Variants in KCNAB1 observed in about 807,000 individuals in gnomAD.
The protein encoded by KCNAB1 is voltage-gated potassium channel subunit beta-1.
A neutral mutation model predicts 64.6 loss-of-function variants in KCNAB1; 35 were observed. The ratio of observed to expected loss-of-function variants is 0.54; its 90% CI spans 0.41 to 0.72. The LOEUF is 0.72. Among genes scored for constraint, KCNAB1 ranks in the 30% least tolerant of loss-of-function variants. The pLI is 0.00. For synonymous variants in KCNAB1, 177 were observed against 183.8 expected (o/e 0.96, Z 0.30); for missense variants, 401 against 512.9 (o/e 0.78, Z 2.11).
intron 11 of KCNAB1, among the ~76,000 whole-genome samples, chr3:156,518,883 A>T (rs1008969115): frequency 6.6e-6 from 1 of 152,102 alleles, no homozygotes; most frequent in Non-Finnish European, 1.5e-5. Flanking sequence ...TCCCATGGGC[A>T]TCAGTCATGC....
At chr3:156,380,386 A>T (rs183459073) in intron 1 of KCNAB1, among the ~76,000 whole-genome samples, 2 of 152,346 alleles carry the variant, frequency 1.3e-5, no homozygotes, top group Admixed American at 1.3e-4. Context: ...TCCTTGGTGT[A>T]CTGAGCATTT....
intron 1 of KCNAB1, among the ~76,000 whole-genome samples, chr3:156,128,598 C>T (rs1713806183): frequency 6.6e-6 from 1 of 152,164 alleles, no homozygotes. Flanking sequence ...CAGGTGTTCT[C>T]CTACTTTCCT....
At chr3:156,524,916 C>T (rs1325182166) in intron 12 of KCNAB1, among the ~76,000 whole-genome samples, 2 of 152,048 alleles carry the variant, frequency 1.3e-5, no homozygotes, top group East Asian at 3.9e-4. Context: ...TTGCTATTGC[C>T]TAGTGATGTT....
At chr3:156,469,531 A>C (rs1485923378) in intron 7 of KCNAB1, among the ~76,000 whole-genome samples, 1 of 151,910 alleles carries the variant, frequency 6.6e-6, no homozygotes, top group Non-Finnish European at 1.5e-5. Flanking sequence ...TTCAAGCCTC[A>C]TATGACATAA....
At chr3:156,119,315 T>A (rs1480326323), upstream of KCNAB1, among the ~76,000 whole-genome samples, 1 of 152,148 alleles carries the variant, frequency 6.6e-6, no homozygotes, top group Non-Finnish European at 1.5e-5. Context: ...GGTGACCACA[T>A]TAGTTCAGAT....
At chr3:156,278,107 A>C (rs1719453272) in intron 1 of KCNAB1, among the ~76,000 whole-genome samples, 1 of 152,194 alleles carries the variant, frequency 6.6e-6, no homozygotes, top group African/African-American at 2.4e-5. Context: ...CTTCCTTCAA[A>C]AATGAATGGA....
intron 1 of KCNAB1, among the ~76,000 whole-genome samples, chr3:156,135,197 A>T (rs1034449539): frequency 1.3e-5 from 2 of 151,912 alleles, no homozygotes; most frequent in African/African-American, 4.8e-5. Flanking sequence ...GGGTTTCATC[A>T]TGTTGGCCAG....
intron 1 of KCNAB1, among the ~76,000 whole-genome samples, chr3:156,145,578 A>G (rs546028727): frequency 6.6e-6 from 1 of 152,262 alleles, no homozygotes; most frequent in East Asian, 1.9e-4. Context: ...CTCAGGAAAA[A>G]GAGGGTGGGC....
At chr3:156,144,247 C>T (rs1714909475) in intron 1 of KCNAB1, among the ~76,000 whole-genome samples, 2 of 152,280 alleles carry the variant, frequency 1.3e-5, no homozygotes, top group Middle Eastern at 6.8e-3. Context: ...GAACAGTTGT[C>T]CTAGCTCATA....
intron 8 of KCNAB1, among the ~76,000 whole-genome samples, chr3:156,512,841 C>A (rs750448861): frequency 6.6e-6 from 1 of 152,202 alleles, no homozygotes; most frequent in Non-Finnish European, 1.5e-5. Context: ...TATAAGCCAG[C>A]TTTTACCTCT....
chr3:156,186,281 T>A (rs1369557368), intron 1 of KCNAB1, among the ~76,000 whole-genome samples: 1 of 152,216 alleles, frequency 6.6e-6, no homozygotes, highest in African/African-American at 2.4e-5. Context: ...GGGGAGAAAT[T>A]AGAGCCCATC....
chr3:156,534,431 G>A (rs941855296), intron 13 of KCNAB1, among the ~76,000 whole-genome samples: 1 of 152,016 alleles, frequency 6.6e-6, no homozygotes, highest in African/African-American at 2.4e-5. Flanking sequence ...CTAAAAGGTG[G>A]GAGAACCGCC....
Position 156,236,947 on chromosome 3 carries a change from T to G in KCNAB1, c.275+116061T>G, listed in dbSNP as rs565418569. Among the ~76,000 whole-genome samples the G allele has an allele frequency of 2.0e-5, 3 of 152,296 alleles. No homozygotes were observed. In the South Asian group the frequency reaches 6.2e-4, roughly 32 times the overall value. On this transcript the variant is annotated intron_variant, in intron 1 of 13. Coordinates refer to ENST00000490337, the MANE Select transcript of KCNAB1 (RefSeq NM_172160.3). ...CAAAAGTCTTGCAAATAGGATCTAG[T>G]AAAAGGCTGAGTTAAAAGAATGTTT... is the stretch of plus-strand genomic sequence containing the variant.
At chr3:156,300,324 T>C (rs1248393004) in intron 1 of KCNAB1, among the ~76,000 whole-genome samples, 1 of 152,238 alleles carries the variant, frequency 6.6e-6, no homozygotes, top group Non-Finnish European at 1.5e-5. Flanking sequence ...AACTATAATT[T>C]TCTGCCTCAT....
intron 5 of KCNAB1, among the ~76,000 whole-genome samples, chr3:156,463,055 T>G (rs1384674570): frequency 1.3e-5 from 2 of 152,208 alleles, no homozygotes; most frequent in African/African-American, 4.8e-5. Context: ...AAATGACATT[T>G]CCATTTAATA....
At position 156,465,681 on chromosome 3, in the gene KCNAB1, T is replaced by C. The variant is rs1451064406; in HGVS notation, c.566T>C (p.Ile189Thr). The C allele has an allele frequency of 3.1e-6, 5 of 1,612,920 alleles. No homozygotes were observed. The change falls in exon 7 of 14, where the codon ATT becomes ACT. Residue 189 changes from isoleucine (I) to threonine (T), a missense_variant. Transcript: ENST00000490337. The part of the protein sequence containing the change: ...TERGLSRKHI[I>T]EGLKGSLQRL... ...AGAGGGCTGTCAAGAAAGCATATTATTGAAGGTGGGTACTTCTGCTTCAAT... is the reference window on the plus strand; with the variant it reads ...AGAGGGCTGTCAAGAAAGCATATTACTGAAGGTGGGTACTTCTGCTTCAAT...
At chr3:156,144,545 C>T (rs1329315470) in intron 1 of KCNAB1, among the ~76,000 whole-genome samples, 2 of 152,144 alleles carry the variant, frequency 1.3e-5, no homozygotes, top group Non-Finnish European at 2.9e-5. Context: ...GGGGAGCTCA[C>T]CTTTTCATGG....
chr3:156,209,312 G>T (rs746009079), intron 1 of KCNAB1, among the ~76,000 whole-genome samples: 1 of 152,140 alleles, frequency 6.6e-6, no homozygotes, highest in Non-Finnish European at 1.5e-5. Context: ...ACTATGGCAG[G>T]GAAACAGACT....
chr3:156,166,526 T>TAC (rs1553811797), intron 1 of KCNAB1, among the ~76,000 whole-genome samples: 67 of 143,716 alleles, frequency 4.7e-4, no homozygotes, highest in African/African-American at 1.2e-3. Context: ...AAAAAATACA[T>TAC]ATATACACAC....
Sources: allele counts gnomAD v4.1 joint callset (sites outside exome capture counted in the v4.1 genomes callset), GRCh38; gene constraint gnomAD v4.1.1; transcripts MANE v1.5; gene names NCBI Gene and HGNC (gene_info 2026-07-23, HGNC 2026-07-21).